The following NRXN1 variants were observed in gnomAD, a reference collection of about 807,000 sequenced individuals.
NRXN1 encodes neurexin 1.
In NRXN1, 39 loss-of-function variants were observed where a neutral mutation model predicts 150.9. That is an observed-to-expected ratio of 0.26 (90% CI 0.20 to 0.34). The LOEUF (loss-of-function observed/expected upper bound fraction) is 0.34, where lower values mean the gene tolerates loss of function less well. Among genes scored for constraint, NRXN1 ranks in the 10% least tolerant of loss-of-function variants. NRXN1 has a pLI of 1.00. For missense variants in NRXN1, 1,815 were observed against 1,949.9 expected (o/e 0.93, Z 1.30); for synonymous variants, 924 against 757.0 (o/e 1.22, Z -3.62).
intron 2 of NRXN1, among the ~76,000 whole-genome samples, chr2:50,938,440 A>G (rs1033163674): frequency 1.3e-5 from 2 of 152,164 alleles, no homozygotes; most frequent in African/African-American, 4.8e-5. Flanking sequence ...ACAAGACTCT[A>G]GGAAGTTCCA....
At chr2:50,333,221 A>T (rs767035812) in intron 17 of NRXN1, among the ~76,000 whole-genome samples, 8 of 152,146 alleles carry the variant, frequency 5.3e-5, no homozygotes, top group Non-Finnish European at 1.0e-4. Context: ...GAGCCTTCAA[A>T]CCAGCTTATG....
At chr2:50,778,693 T>C (rs764028919) in intron 5 of NRXN1, among the ~76,000 whole-genome samples, 7 of 152,156 alleles carry the variant, frequency 4.6e-5, no homozygotes, top group Non-Finnish European at 1.0e-4. Flanking sequence ...ATGTTCAAAA[T>C]TGAGAAGTCT....
chr2:50,820,899 G>A (rs753139288), intron 5 of NRXN1, among the ~76,000 whole-genome samples: 23 of 152,132 alleles, frequency 1.5e-4, no homozygotes, highest in Admixed American at 7.2e-4. Flanking sequence ...TTATGGAGAG[G>A]ATAGGGATAA....
At chr2:50,953,206 G>A (rs1054959307) in intron 2 of NRXN1, among the ~76,000 whole-genome samples, 1 of 152,120 alleles carries the variant, frequency 6.6e-6, no homozygotes, top group Non-Finnish European at 1.5e-5. Flanking sequence ...TTGAAATTCT[G>A]ATTTAGCCAT....
intron 5 of NRXN1, among the ~76,000 whole-genome samples, chr2:50,775,595 T>C (rs1014429533): frequency 2.0e-5 from 3 of 152,284 alleles, no homozygotes; most frequent in Admixed American, 6.5e-5. Flanking sequence ...TAACTACTTA[T>C]TGGGCCTTTA....
chr2:50,172,600 G>C (rs1049431376), intron 18 of NRXN1, among the ~76,000 whole-genome samples: 1 of 152,180 alleles, frequency 6.6e-6, no homozygotes, highest in African/African-American at 2.4e-5. Flanking sequence ...TGGATGGCCT[G>C]TTAACATCTG....
At chr2:50,586,258 C>T (rs1673078014) in intron 8 of NRXN1, among the ~76,000 whole-genome samples, 1 of 152,162 alleles carries the variant, frequency 6.6e-6, no homozygotes, top group Non-Finnish European at 1.5e-5. Context: ...TTTTTGCTCA[C>T]ATGCCACTTT....
intron 5 of NRXN1, among the ~76,000 whole-genome samples, chr2:50,851,002 C>A (rs561173147): frequency 6.6e-6 from 1 of 152,230 alleles, no homozygotes; most frequent in Non-Finnish European, 1.5e-5. Context: ...ATAGCCATCA[C>A]TTTTACTCAT....
chr2:50,949,827 C>A (rs537052766), intron 2 of NRXN1, among the ~76,000 whole-genome samples: 1 of 152,072 alleles, frequency 6.6e-6, no homozygotes, highest in Non-Finnish European at 1.5e-5. Flanking sequence ...GTTAGATATT[C>A]CCACAGATGA....
chr2:50,021,299 A>G (rs1687530083), intron 21 of NRXN1, among the ~76,000 whole-genome samples: 1 of 152,296 alleles, frequency 6.6e-6, no homozygotes, highest in East Asian at 1.9e-4. Flanking sequence ...AGACATACGG[A>G]AAATATCTAT....
At chr2:50,389,003 CA>C (rs550900123) in intron 17 of NRXN1, among the ~76,000 whole-genome samples, 2 of 151,822 alleles carry the variant, frequency 1.3e-5, no homozygotes, top group South Asian at 4.2e-4. Flanking sequence ...CTGAAGTCTA[CA>C]AAAAATCCCA....
At chr2:50,625,907 A>C (rs1342764226) in intron 5 of NRXN1, among the ~76,000 whole-genome samples, 2 of 152,044 alleles carry the variant, frequency 1.3e-5, no homozygotes, top group African/African-American at 2.4e-5. Flanking sequence ...AAATCATCTA[A>C]AACAAACAAC....
rs1558617775 is a variant in NRXN1, at chr2:51,028,254, T to C, written c.20A>G (p.Gln7Arg). 1 of 1,458,504 alleles carries C rather than the reference T, an allele frequency of 6.9e-7. No homozygotes were observed. The highest frequency in any genetic ancestry group is 9.0e-7 in the Non-Finnish European group (1 of 1,112,012). The allele number at this position is 1,458,504 out of a possible 1,614,324, so 90.3% of individuals were successfully genotyped here. The change falls in exon 2 of 23, where the codon CAG (glutamine) becomes CGG (arginine). Residue 7 changes from glutamine to arginine, a missense_variant. Transcript: ENST00000401669. ...GCACAGAAGAAAACAGCCCCCGCGC[T>C]GGAGCAGCGCCGTCCCCATGCTCGG... Reference protein sequence around the residue: MGTALLQRGGCFLLCLS... With the variant: MGTALLRRGGCFLLCLS...
intron 18 of NRXN1, among the ~76,000 whole-genome samples, chr2:50,211,922 G>A (rs1315931034): frequency 1.3e-5 from 2 of 151,560 alleles, no homozygotes; most frequent in East Asian, 3.9e-4. Context: ...GGAATATGCT[G>A]TAATGTACTC....
At chr2:49,940,139 A>C (rs1183600407) in intron 22 of NRXN1, among the ~76,000 whole-genome samples, 1 of 152,132 alleles carries the variant, frequency 6.6e-6, no homozygotes, top group African/African-American at 2.4e-5. Context: ...AAAACTCATG[A>C]GTAAATACTT....
chr2:50,128,227 T>A (rs910558890), intron 18 of NRXN1, among the ~76,000 whole-genome samples: 1 of 152,188 alleles, frequency 6.6e-6, no homozygotes, highest in African/African-American at 2.4e-5. Context: ...GATATGAGTT[T>A]GTTGGTACTA....
chr2:49,991,788 A>T (rs1299027932), intron 21 of NRXN1, among the ~76,000 whole-genome samples: 1 of 152,226 alleles, frequency 6.6e-6, no homozygotes, highest in East Asian at 1.9e-4. Context: ...GGCTAACAAA[A>T]TATTGAAGGA....
Position 50,681,004 on chromosome 2 carries a change from C to T in NRXN1, c.833-57389G>A, listed in dbSNP as rs1285721391. ...GTAAAAAAAAAATTCTGTGTCTTCA[C>T]ATAAAGTGAATCAAAATATATCTTT... On this transcript the variant is annotated intron_variant, in intron 5 of 22. Coordinates refer to ENST00000401669, the MANE Select transcript of NRXN1 (RefSeq NM_001330078.2). Among the ~76,000 whole-genome samples, 3 of 152,110 alleles carry T rather than the reference C, an allele frequency of 2.0e-5. No homozygotes were observed. The South Asian group carries it at 6.2e-4, about 32-fold the overall frequency.
intron 21 of NRXN1, among the ~76,000 whole-genome samples, chr2:49,974,537 T>C (rs181781583): frequency 6.6e-6 from 1 of 152,212 alleles, no homozygotes; most frequent in Non-Finnish European, 1.5e-5. Flanking sequence ...TTTCTTGAGA[T>C]AATTATCTTT....
Sources: gnomAD v4.1 joint callset for allele counts (sites outside exome capture counted in the v4.1 genomes callset) on GRCh38, gnomAD v4.1.1 for gene constraint, MANE v1.5 for transcripts, NCBI Gene and HGNC (gene_info 2026-07-23, HGNC 2026-07-21) for gene names.